NPSR1: variants seen among roughly 807,000 people sequenced by gnomAD.
NPSR1 encodes neuropeptide S receptor 1, also known as neuropeptide S receptor.
In NPSR1, 48 loss-of-function variants were observed where a neutral mutation model predicts 46.9. The ratio of observed to expected loss-of-function variants is 1.02; its 90% CI spans 0.81 to 1.30. NPSR1 has a LOEUF of 1.30. Ranked by LOEUF, NPSR1 falls within the 50% of genes most tolerant of loss-of-function variation. The pLI is 0.00. For missense variants in NPSR1, 450 were observed against 449.5 expected (o/e 1.00, Z -0.01); for synonymous variants, 176 against 168.1 (o/e 1.05, Z -0.36).
chr7:34,862,586 C>T lies in NPSR1; in HGVS notation c.1025+13923C>T, dbSNP rs1163552096. ...TTGCCTGGATGGACCCTAACTCATA[C>T]AGCTTCTCTGTAGATACTTTTGGGA... On this transcript the variant is annotated intron_variant, in intron 8 of 8. Coordinates refer to the NPSR1 transcript ENST00000359791. Among the ~76,000 whole-genome samples, 5 of 151,742 alleles carry T rather than the reference C, an allele frequency of 3.3e-5. No homozygotes were observed. In the South Asian group the frequency reaches 6.2e-4, roughly 19 times the overall value.
At chr7:34,814,715 G>GTTTGCTGTTCTGCAATA (rs1242303328) in intron 4 of NPSR1, among the ~76,000 whole-genome samples, 1 of 152,200 alleles carries the variant, frequency 6.6e-6, no homozygotes, top group East Asian at 1.9e-4. Context: ...AGGCAGCAAT[G>GTTTGCTGTTCTGCAATA]TTTGCTGTTC....
intron 6 of NPSR1, among the ~76,000 whole-genome samples, chr7:34,844,661 A>G (rs1416030109): frequency 1.3e-5 from 2 of 152,204 alleles, no homozygotes; most frequent in Admixed American, 6.5e-5. Flanking sequence ...GTCTCTTGAG[A>G]GAGTCTGAGC....
chr7:34,772,034 G>A (rs1324012702), intron 2 of NPSR1, among the ~76,000 whole-genome samples: 2 of 152,096 alleles, frequency 1.3e-5, no homozygotes, highest in South Asian at 2.1e-4. Flanking sequence ...AAACCTTTCT[G>A]TACCATTTAT....
At chr7:34,816,274 C>G (rs1378327024) in intron 4 of NPSR1, among the ~76,000 whole-genome samples, 1 of 113,556 alleles carries the variant, frequency 8.8e-6, no homozygotes, top group Admixed American at 1.0e-4. Flanking sequence ...ATCCTAGTGT[C>G]TGATAAAATA....
chr7:34,759,568 CT>C (rs1786052989), intron 2 of NPSR1, among the ~76,000 whole-genome samples: 1 of 152,150 alleles, frequency 6.6e-6, no homozygotes, highest in African/African-American at 2.4e-5. Context: ...TTATCTTGTC[CT>C]TTTCCCAGCC....
At chr7:34,744,236 A>T (rs1454396287) in intron 2 of NPSR1, among the ~76,000 whole-genome samples, 1 of 152,240 alleles carries the variant, frequency 6.6e-6, no homozygotes, top group Non-Finnish European at 1.5e-5. Flanking sequence ...ATCTCTAGTA[A>T]TGCTTTTAGC....
At position 34,860,770 on chromosome 7, in the gene NPSR1, C is replaced by T. The variant is rs187252075; in HGVS notation, c.1025+12107C>T. On this transcript the variant is annotated intron_variant, in intron 8 of 8. Transcript: ENST00000359791. ...GAACAAAAATGAAAAAGGCAAGTAA[C>T]ATTTTAGTACTGTTGTAAAAAGAGT... 1.1e-4 allele frequency among the ~76,000 whole-genome samples: 17 copies of T among 152,016 alleles called. 1 individual carries two copies. The highest frequency in any genetic ancestry group is 3.4e-4 in the African/African-American group (14 of 41,280).
At chr7:34,734,481 C>T (rs145922772) in intron 2 of NPSR1, among the ~76,000 whole-genome samples, 1 of 152,226 alleles carries the variant, frequency 6.6e-6, no homozygotes, top group Non-Finnish European at 1.5e-5. Context: ...AATATTAACA[C>T]ATTTCAAGCT....
intron 2 of NPSR1, chr7:34,750,577 A>G: frequency 2.9e-6 from 2 of 694,148 alleles, no homozygotes; most frequent in Non-Finnish European, 5.4e-6. Context: ...AACCTCTGGC[A>G]TGACAGGCCT....
rs192768124 is a variant in NPSR1, at chr7:34,684,455, G to A, written c.148-97G>A. On this transcript the variant is annotated intron_variant, in intron 1 of 8. Coordinates refer to ENST00000360581, the MANE Select transcript of NPSR1 (RefSeq NM_207172.2). ...GTAGAGCTTCCAAAAGTAGGGATAT[G>A]TGGCTAGGAGGAAGAAATCCAGCCT... The A allele has an allele frequency of 1.4e-3, 1,636 of 1,197,062 alleles. 3 individuals are homozygous for A. Among genetic ancestry groups the A allele is most frequent in the Non-Finnish European group, 1.7e-3 (1,401 of 835,662 alleles). 74.2% of individuals were successfully genotyped at this position (1,197,062 alleles called of 1,614,324 possible).
intron 2 of NPSR1, chr7:34,723,296 A>C (rs1034849996): frequency 1.8e-4 from 27 of 152,692 alleles, no homozygotes; most frequent in African/African-American, 6.5e-4. Context: ...TAGCAGAGTG[A>C]TGTCCCATTG....
intron 3 of NPSR1, among the ~76,000 whole-genome samples, chr7:34,790,608 T>C (rs1342135414): frequency 1.3e-5 from 2 of 148,658 alleles, no homozygotes; most frequent in African/African-American, 2.4e-5. Flanking sequence ...GAAGATGACC[T>C]GATCCTACAT....
chr7:34,825,883 G>A (rs936867778), intron 4 of NPSR1, among the ~76,000 whole-genome samples: 1 of 152,162 alleles, frequency 6.6e-6, no homozygotes, highest in Non-Finnish European at 1.5e-5. Context: ...TAGCAGACAA[G>A]GATAGAAAGC....
At chr7:34,663,381 A>G (rs1462258290) in intron 1 of NPSR1, among the ~76,000 whole-genome samples, 1 of 152,070 alleles carries the variant, frequency 6.6e-6, no homozygotes, top group Non-Finnish European at 1.5e-5. Flanking sequence ...TTTGACTGCT[A>G]CCAACTTTGG....
intron 8 of NPSR1, among the ~76,000 whole-genome samples, chr7:34,873,658 G>A (rs2128770748): frequency 6.6e-6 from 1 of 151,738 alleles, no homozygotes; most frequent in Non-Finnish European, 1.5e-5. Flanking sequence ...TCTTCAACAA[G>A]CAGATAGGGC....
chr7:34,672,860 C>T (rs900132808), intron 1 of NPSR1, among the ~76,000 whole-genome samples: 1 of 152,128 alleles, frequency 6.6e-6, no homozygotes, highest in South Asian at 2.1e-4. Flanking sequence ...CTTCTAACTC[C>T]GGACAATGAC....
chr7:34,668,239 T>A (rs2609223), intron 1 of NPSR1, among the ~76,000 whole-genome samples: 20,118 of 152,204 alleles, frequency 0.13, 1,485 homozygotes, highest in African/African-American at 0.19. Context: ...ATAAAAAATG[T>A]CAGGGAATAT....
chr7:34,822,027 AATTCCC>A (rs1228128262), intron 4 of NPSR1, among the ~76,000 whole-genome samples: 2 of 152,198 alleles, frequency 1.3e-5, no homozygotes, highest in African/African-American at 4.8e-5. Flanking sequence ...AACTTCTAAG[AATTCCC>A]AGCACACGAG....
At chr7:34,845,981 C>T (rs1446413406) in intron 7 of NPSR1, among the ~76,000 whole-genome samples, 3 of 152,222 alleles carry the variant, frequency 2.0e-5, no homozygotes, top group African/African-American at 4.8e-5. Context: ...ACAGTCTTCT[C>T]ACCTTTCTGA....
Sources: gnomAD v4.1 joint callset for allele counts (sites outside exome capture counted in the v4.1 genomes callset) on GRCh38, gnomAD v4.1.1 for gene constraint, MANE v1.5 for transcripts, NCBI Gene and HGNC (gene_info 2026-07-23, HGNC 2026-07-21) for gene names.